HECW2: variants seen among roughly 807,000 people sequenced by gnomAD.
The protein encoded by HECW2 is HECT, C2 and WW domain containing E3 ubiquitin protein ligase 2, also known as E3 ubiquitin-protein ligase HECW2.
Under a neutral mutation model 175.2 loss-of-function variants are expected in HECW2, and 61 were observed. That is an observed-to-expected ratio of 0.35 (90% CI 0.28 to 0.43). The LOEUF is 0.43. HECW2 is among the 20% of genes least tolerant of loss of function. HECW2 has a pLI of 1.00. For missense variants in HECW2, 1,524 were observed against 2,000.5 expected (o/e 0.76, Z 4.54); for synonymous variants, 671 against 731.0 (o/e 0.92, Z 1.32).
At chr2:196,381,226 A>C (rs1694198912) in intron 2 of HECW2, among the ~76,000 whole-genome samples, 1 of 152,166 alleles carries the variant, frequency 6.6e-6, no homozygotes, top group South Asian at 2.1e-4. Flanking sequence ...ATCACCCCAC[A>C]TGGTTCTCAC....
intron 21 of HECW2, among the ~76,000 whole-genome samples, chr2:196,235,657 T>C (rs1688221954): frequency 9.2e-6 from 1 of 108,426 alleles, no homozygotes; most frequent in Non-Finnish European, 1.8e-5. Context: ...TCTTTTTTTT[T>C]TTTTTTTTTT....
chr2:196,223,938 T>C (rs1268455837), intron 23 of HECW2, among the ~76,000 whole-genome samples: 3 of 152,110 alleles, frequency 2.0e-5, no homozygotes, highest in African/African-American at 4.8e-5. Flanking sequence ...TAAAGAAGGA[T>C]ATCTAAAACA....
In HECW2 at chr2:196,402,305, G is replaced by C. The variant is rs544370903; in HGVS notation, c.292+30827C>G. On this transcript the variant is annotated intron_variant, in intron 2 of 28. Coordinates refer to ENST00000644978, the MANE Select transcript of HECW2 (RefSeq NM_001348768.2). ...AGCTCAGAAATTTGATAATTGTGCA[G>C]CTATATACTGGCCCTTTAACAGACC... 1.2e-4 allele frequency among the ~76,000 whole-genome samples: 18 copies of C among 151,680 alleles called. No homozygotes were observed. The South Asian group carries it at 3.7e-3, about 32-fold the overall frequency.
At chr2:196,307,044 A>C in intron 12 of HECW2, 86 bp downstream of exon 12, 1 of 928,602 alleles carries the variant, frequency 1.1e-6, no homozygotes, top group Non-Finnish European at 1.7e-6. Context: ...AAGTTCTCCA[A>C]AAGAAAAGCC....
At chr2:196,495,318 G>A (rs894799315) in intron 1 of HECW2, among the ~76,000 whole-genome samples, 1 of 151,686 alleles carries the variant, frequency 6.6e-6, no homozygotes, top group African/African-American at 2.4e-5. Context: ...TGTCCACCTC[G>A]GCCTCCCAAA....
Position 196,461,777 on chromosome 2 carries a change from G to A in HECW2, c.-35-28319C>T, listed in dbSNP as rs987531509. ...CAGATCTCGTGAGAACCCACTCAAC[G>A]TCATGAGAACAGCATGGGGGAACCA... On this transcript the variant is annotated intron_variant, in intron 1 of 28. Coordinates refer to ENST00000644978, the MANE Select transcript of HECW2 (RefSeq NM_001348768.2). Among the ~76,000 whole-genome samples, 18 of 152,168 alleles carry A rather than the reference G, an allele frequency of 1.2e-4. No homozygotes were observed. In the South Asian group the frequency reaches 1.2e-3, roughly 11 times the overall value.
intron 1 of HECW2, among the ~76,000 whole-genome samples, chr2:196,497,171 C>A (rs753531971): frequency 5.9e-5 from 9 of 152,148 alleles, no homozygotes; most frequent in Non-Finnish European, 1.2e-4. Flanking sequence ...CCAAAATATG[C>A]ATGCTAAAAA....
intron 1 of HECW2, among the ~76,000 whole-genome samples, chr2:196,452,531 G>T (rs527764229): frequency 3.9e-4 from 60 of 151,988 alleles, no homozygotes; most frequent in South Asian, 8.3e-4. Flanking sequence ...GTAAGAACTG[G>T]CAACAGAAAG....
chr2:196,257,469 A>G (rs1237311417), intron 18 of HECW2, among the ~76,000 whole-genome samples: 2 of 152,236 alleles, frequency 1.3e-5, no homozygotes, highest in African/African-American at 4.8e-5. Flanking sequence ...ATTTGAAAGA[A>G]TATTAAACTG....
rs1228311401 is a variant in HECW2, at chr2:196,307,251, G to C, written c.2586-18C>G. The C allele has an allele frequency of 6.5e-7, 1 of 1,539,488 alleles. No individual in the cohort carries two copies. The highest frequency in any genetic ancestry group is 9.0e-7 in the Non-Finnish European group (1 of 1,112,086). On this transcript the variant is annotated intron_variant, in intron 11 of 28. Transcript: ENST00000644978. ...TCTGATATCTAAAATCATGAGCCTA[G>C]AGTTACATTCCAGCAGCATTTAAGA... is the stretch of plus-strand genomic sequence containing the variant.
At chr2:196,544,708 T>C (rs561261946) in intron 1 of HECW2, among the ~76,000 whole-genome samples, 4 of 152,184 alleles carry the variant, frequency 2.6e-5, no homozygotes, top group African/African-American at 7.2e-5. Flanking sequence ...GCTGGCCAGA[T>C]GACAGGTCCA....
intron 1 of HECW2, among the ~76,000 whole-genome samples, chr2:196,472,919 C>A (rs1697272348): frequency 6.6e-6 from 1 of 152,214 alleles, no homozygotes; most frequent in South Asian, 2.1e-4. Flanking sequence ...CCGCACTCAG[C>A]TGGAAGGTAA....
At position 196,307,183 on chromosome 2, in the gene HECW2, G is replaced by A. The variant is rs375319647; in HGVS notation, c.2636C>T (p.Thr879Ile). The A allele has an allele frequency of 1.2e-6, 2 of 1,613,912 alleles. No homozygotes were observed. The highest frequency in any genetic ancestry group is 1.7e-6 in the Non-Finnish European group (2 of 1,179,844). Reference sequence around the variant, plus strand: ...CTCCCCTGCCCCATCAATAGCATTGGTATTTTCCTCAGGCCTCTCATTGGT... The same window carrying A: ...CTCCCCTGCCCCATCAATAGCATTGATATTTTCCTCAGGCCTCTCATTGGT... ...TMTNERPEEN[T>I]NAIDGAGEEA... The change falls in exon 12 of 29, where the codon ACC (threonine) becomes ATC (isoleucine). Residue 879 changes from threonine (T) to isoleucine (I), a missense_variant. By Grantham distance (89) the Thr-to-Ile change is moderately conservative. Transcript: ENST00000644978.
At chr2:196,326,881 G>A (rs1228308459) in intron 5 of HECW2, among the ~76,000 whole-genome samples, 1 of 152,136 alleles carries the variant, frequency 6.6e-6, no homozygotes, top group South Asian at 2.1e-4. Flanking sequence ...CTGACACTTC[G>A]TAAACTATGT....
At chr2:196,207,806 A>G (rs554603347) in intron 28 of HECW2, among the ~76,000 whole-genome samples, 1 of 152,336 alleles carries the variant, frequency 6.6e-6, no homozygotes, top group African/African-American at 2.4e-5. Flanking sequence ...AAGTCTCATT[A>G]GGTCACTTTG....
At position 196,226,039 on chromosome 2, in the gene HECW2, C is replaced by T. The variant is rs549960042; in HGVS notation, c.3918-169G>A. 5.9e-5 allele frequency among the ~76,000 whole-genome samples: 9 copies of T among 152,192 alleles called. 1 individual carries two copies. In the South Asian group the frequency reaches 1.9e-3, roughly 32 times the overall value. On this transcript the variant is annotated intron_variant, in intron 22 of 28. Transcript: ENST00000644978. ...ACCATGGGCTGTGTCTTCATCAGGC[C>T]AGTGGTACAGTTTGTATACTTGTCC...
intron 1 of HECW2, among the ~76,000 whole-genome samples, chr2:196,478,810 C>T (rs1258354504): frequency 6.6e-6 from 1 of 152,016 alleles, no homozygotes; most frequent in East Asian, 1.9e-4. Context: ...ACCCACAGCA[C>T]CAGTTAGAAC....
intron 14 of HECW2, among the ~76,000 whole-genome samples, chr2:196,279,832 G>A (rs1025646113): frequency 2.6e-4 from 39 of 152,106 alleles, no homozygotes; most frequent in African/African-American, 8.7e-4. Context: ...CTTCATTCCT[G>A]ACATTTCTCC....
chr2:196,227,219 A>C (rs10174298), intron 22 of HECW2, among the ~76,000 whole-genome samples: 150,461 of 152,314 alleles, frequency 0.99, 74,346 homozygotes, highest in East Asian at 1. Context: ...CCTCCACCCA[A>C]CAATATTAAT....
Sources: gnomAD v4.1 joint callset for allele counts (sites outside exome capture counted in the v4.1 genomes callset) on GRCh38, gnomAD v4.1.1 for gene constraint, MANE v1.5 for transcripts, NCBI Gene and HGNC (gene_info 2026-07-23, HGNC 2026-07-21) for gene names.